Variants in SPOCK1 observed in about 807,000 individuals in gnomAD.
SPOCK1 encodes the protein testican-1.
Under a neutral mutation model 55.3 loss-of-function variants are expected in SPOCK1, and 23 were observed. The ratio of observed to expected loss-of-function variants is 0.42; its 90% CI spans 0.30 to 0.59. The LOEUF (loss-of-function observed/expected upper bound fraction) is 0.59. SPOCK1 is among the 20% of genes least tolerant of loss of function. SPOCK1 has a pLI of 0.22. For missense variants in SPOCK1, 499 were observed against 552.5 expected, an observed-to-expected ratio of 0.90 and a Z score of 0.97; for synonymous variants, 226 against 221.0, an observed-to-expected ratio of 1.02 and a Z score of -0.20.
At chr5:137,472,768 T>C (rs1055534858) in intron 2 of SPOCK1, among the ~76,000 whole-genome samples, 7 of 152,176 alleles carry the variant, frequency 4.6e-5, no homozygotes, top group Admixed American at 1.3e-4. Flanking sequence ...CAATGGAATA[T>C]ACGCAACTTT....
At chr5:137,019,084 G>C (rs1751510570) in intron 6 of SPOCK1, among the ~76,000 whole-genome samples, 1 of 152,132 alleles carries the variant, frequency 6.6e-6, no homozygotes, top group Non-Finnish European at 1.5e-5. Flanking sequence ...AAAATTGGCA[G>C]ACATTAAAAA....
chr5:137,369,876 A>C (rs1751159771), intron 2 of SPOCK1, among the ~76,000 whole-genome samples: 1 of 152,104 alleles, frequency 6.6e-6, no homozygotes, highest in East Asian at 1.9e-4. Flanking sequence ...ATCAAAACCT[A>C]ATCACCTCCC....
chr5:137,062,469 T>A (rs1752410900), intron 6 of SPOCK1, among the ~76,000 whole-genome samples: 1 of 151,634 alleles, frequency 6.6e-6, no homozygotes, highest in African/African-American at 2.4e-5. Flanking sequence ...AAAATCTACC[T>A]TAAAGCCTCC....
At chr5:137,366,964 C>T (rs1358050187) in intron 2 of SPOCK1, among the ~76,000 whole-genome samples, 5 of 152,242 alleles carry the variant, frequency 3.3e-5, no homozygotes, top group Non-Finnish European at 7.3e-5. Flanking sequence ...AGGCCTTAGA[C>T]TGCTTCAATT....
intron 2 of SPOCK1, among the ~76,000 whole-genome samples, chr5:137,310,966 C>T (rs560780027): frequency 6.6e-6 from 1 of 152,296 alleles, no homozygotes; most frequent in African/African-American, 2.4e-5. Flanking sequence ...AATTCCCTAA[C>T]ACAGGCACCC....
At chr5:137,078,358 C>T (rs990316048) in intron 5 of SPOCK1, among the ~76,000 whole-genome samples, 12 of 152,310 alleles carry the variant, frequency 7.9e-5, no homozygotes, top group Admixed American at 6.5e-4. Flanking sequence ...CCAGCCCACA[C>T]TAAGCCTCCT....
intron 6 of SPOCK1, among the ~76,000 whole-genome samples, chr5:137,016,406 A>G (rs1016985969): frequency 6.6e-6 from 1 of 152,250 alleles, no homozygotes. Context: ...TTACGTACTT[A>G]GAACTCTTTG....
chr5:137,184,301 G>A (rs1355224583), intron 3 of SPOCK1, among the ~76,000 whole-genome samples: 3 of 152,150 alleles, frequency 2.0e-5, no homozygotes, highest in Admixed American at 6.5e-5. Context: ...TGAGGCACAA[G>A]CCTGGTTCAG....
In SPOCK1 at chr5:136,978,386, A is replaced by C. The variant is rs189876863; in HGVS notation, c.*268T>G. ...CATGCTTGTTGGAAAAATCTCACAGAAAGGAAGGAGGCTCTAATTAAGCCA... is the reference window on the plus strand; with the variant it reads ...CATGCTTGTTGGAAAAATCTCACAGCAAGGAAGGAGGCTCTAATTAAGCCA... On this transcript the variant is annotated 3_prime_UTR_variant, in exon 11 of 11. Coordinates refer to ENST00000394945, the MANE Select transcript of SPOCK1 (RefSeq NM_004598.4). 1 of 384,748 alleles carries C rather than the reference A, an allele frequency of 2.6e-6. No individual in the cohort carries two copies. Among genetic ancestry groups the C allele is most frequent in the African/African-American group, 2.1e-5 (1 of 48,216 alleles). 23.8% of individuals were successfully genotyped at this position (384,748 alleles called of 1,614,324 possible).
At chr5:137,294,089 T>C (rs143868460) in intron 2 of SPOCK1, among the ~76,000 whole-genome samples, 92 of 152,318 alleles carry the variant, frequency 6.0e-4, no homozygotes, top group African/African-American at 2.0e-3. Flanking sequence ...CCTCTTGAAA[T>C]ATCACTAGTA....
At position 137,021,046 on chromosome 5, in the gene SPOCK1, A is replaced by C. The variant is rs148462299; in HGVS notation, c.590-28446T>G. Among the ~76,000 whole-genome samples, 650 of 152,252 alleles carry C rather than the reference A, an allele frequency of 4.3e-3. 7 individuals are homozygous for C. Among genetic ancestry groups the C allele is most frequent in the African/African-American group, 0.015 (630 of 41,578 alleles). ...ATTATTCCTCAATAATTTCATTCCT[A>C]GGTATATGCCCTGCATAAAATCATT... On this transcript the variant is annotated intron_variant, in intron 6 of 10. Transcript: ENST00000394945.
intron 3 of SPOCK1, among the ~76,000 whole-genome samples, chr5:137,162,808 AC>A (rs561094658): frequency 7.8e-4 from 119 of 152,312 alleles, no homozygotes; most frequent in Non-Finnish European, 1.5e-3. Context: ...AAATAAATGA[AC>A]CTGGCAGTTG....
chr5:136,980,839 A>G (rs952887175), intron 9 of SPOCK1, among the ~76,000 whole-genome samples: 2 of 152,152 alleles, frequency 1.3e-5, no homozygotes, highest in African/African-American at 4.8e-5. Flanking sequence ...TTTTTATAAA[A>G]TGAGAATCTC....
chr5:137,272,223 A>G (rs1434648), intron 2 of SPOCK1, among the ~76,000 whole-genome samples: 103,443 of 152,082 alleles, frequency 0.68, 35,705 homozygotes, highest in African/African-American at 0.77. Flanking sequence ...CTCTCAAGAG[A>G]ATTCAGTGCA....
intron 3 of SPOCK1, among the ~76,000 whole-genome samples, chr5:137,197,588 A>G (rs763311618): frequency 2.0e-5 from 3 of 152,226 alleles, no homozygotes; most frequent in African/African-American, 4.8e-5. Context: ...AAATCTTCAT[A>G]CTAAGAATAA....
intron 3 of SPOCK1, among the ~76,000 whole-genome samples, chr5:137,210,719 CAGCTGGGATGG>C (rs1310792217): frequency 1.3e-5 from 2 of 152,188 alleles, no homozygotes; most frequent in Non-Finnish European, 2.9e-5. Flanking sequence ...CACACAGGGG[CAGCTGGGATGG>C]AGGTGAAGGT....
At chr5:137,300,145 C>G (rs2117402) in intron 2 of SPOCK1, among the ~76,000 whole-genome samples, 1,907 of 152,192 alleles carry the variant, frequency 0.013, 37 homozygotes, top group African/African-American at 0.043. Flanking sequence ...AGTCTAGATT[C>G]AGTGACTTTT....
intron 6 of SPOCK1, among the ~76,000 whole-genome samples, chr5:137,031,517 G>T (rs965220390): frequency 3.3e-5 from 5 of 152,326 alleles, no homozygotes; most frequent in African/African-American, 1.2e-4. Flanking sequence ...TGTACAGTAA[G>T]GATGAGTTTT....
intron 6 of SPOCK1, among the ~76,000 whole-genome samples, chr5:137,062,014 G>T (rs975068108): frequency 6.6e-6 from 1 of 152,132 alleles, no homozygotes; most frequent in Non-Finnish European, 1.5e-5. Context: ...CTGATGGCAC[G>T]CAAGGATCTT....
Sources: allele counts gnomAD v4.1 joint callset (sites outside exome capture counted in the v4.1 genomes callset), GRCh38; gene constraint gnomAD v4.1.1; transcripts MANE v1.5; gene names NCBI Gene and HGNC (gene_info 2026-07-23, HGNC 2026-07-21).